GMPR: variants seen among roughly 807,000 people sequenced by gnomAD.
GMPR encodes the protein GMP reductase 1.
GMPR carries 31 observed loss-of-function variants against 38.4 expected under a neutral mutation model. That is an observed-to-expected ratio of 0.81 (90% CI 0.61 to 1.09). The LOEUF (loss-of-function observed/expected upper bound fraction) is 1.09, where lower values mean the gene tolerates loss of function less well. Among genes scored for constraint, GMPR ranks in the 50% least tolerant of loss-of-function variants. GMPR has a pLI of 0.00. For synonymous variants in GMPR, 162 were observed against 173.3 expected, an observed-to-expected ratio of 0.93 and a Z score of 0.51; for missense variants, 468 against 453.7, an observed-to-expected ratio of 1.03 and a Z score of -0.29.
At position 16,246,945 on chromosome 6, in the gene GMPR, C is replaced by A; in HGVS notation, c.191C>A (p.Ala64Glu). 8.1e-6 allele frequency: 13 copies of A among 1,613,928 alleles called. No homozygotes were observed. Among genetic ancestry groups the A allele is most frequent in the Non-Finnish European group, 1.0e-5 (12 of 1,179,890 alleles). ...NMDTVGTFEM[A>E]AVMSQHSMFT... is the part of the protein sequence containing the mutation. ...GACACTGTGGGCACGTTTGAGATGG[C>A]AGCCGTGATGTCACAGGTGAGGCGG... Residue 64 changes from alanine (A) to glutamate (E), a missense_variant, in exon 2 of 9, where the codon GCA (alanine) becomes GAA (glutamate). Physicochemically the swap from Ala to Glu is moderately radical, Grantham distance 107. Coordinates refer to ENST00000259727, the MANE Select transcript of GMPR (RefSeq NM_006877.4).
chr6:16,274,479 A>C lies in GMPR; in HGVS notation c.530A>C (p.Lys177Thr), dbSNP rs1244763154. Residue 177 changes from lysine to threonine, a missense_variant, in exon 5 of 9, where the codon AAA becomes ACA. Transcript: ENST00000259727. ...ELILSGADII[K>T]VGVGPGSVCT... ...ATTCTTTCCGGAGCAGATATCATCA[A>C]AGTGGGAGTTGGACCAGGTAAGACT... is the stretch of plus-strand genomic sequence containing the variant. 1 of 1,603,646 alleles carries C rather than the reference A, an allele frequency of 6.2e-7. No individual in the cohort carries two copies. The highest frequency in any genetic ancestry group is 1.3e-5 in the African/African-American group (1 of 74,746).
At chr6:16,274,138 GT>G (rs1281852364) in intron 4 of GMPR, among the ~76,000 whole-genome samples, 5 of 152,034 alleles carry the variant, frequency 3.3e-5, no homozygotes, top group Non-Finnish European at 7.4e-5. Context: ...TGTTGTTGTT[GT>G]TGATTGCTGA....
At chr6:16,294,159 A>G (rs2039957216) in intron 8 of GMPR, among the ~76,000 whole-genome samples, 1 of 152,178 alleles carries the variant, frequency 6.6e-6, no homozygotes, top group Non-Finnish European at 1.5e-5. Flanking sequence ...GAGTTTCTAA[A>G]TACTCCTCTG....
intron 6 of GMPR, among the ~76,000 whole-genome samples, chr6:16,279,852 G>A (rs1044544280): frequency 1.3e-5 from 2 of 152,186 alleles, no homozygotes; most frequent in Non-Finnish European, 2.9e-5. Context: ...GTAGGAGAGT[G>A]CCCAACTCAC....
chr6:16,282,778 A>G (rs1382415053), intron 6 of GMPR, among the ~76,000 whole-genome samples: 1 of 150,560 alleles, frequency 6.6e-6, no homozygotes, highest in Non-Finnish European at 1.5e-5. Context: ...TTTCATTGTC[A>G]GTATTCAACA....
At chr6:16,260,837 G>T (rs528258591) in intron 4 of GMPR, among the ~76,000 whole-genome samples, 7 of 152,092 alleles carry the variant, frequency 4.6e-5, no homozygotes, top group African/African-American at 1.7e-4. Context: ...ACAGTCATGG[G>T]GGTCAGGTGT....
chr6:16,240,691 T>C (rs1294881828), intron 1 of GMPR, among the ~76,000 whole-genome samples: 1 of 152,226 alleles, frequency 6.6e-6, no homozygotes, highest in Non-Finnish European at 1.5e-5. Flanking sequence ...TATCACATCA[T>C]GCGACAATGT....
chr6:16,247,002 A>G (rs369777917), intron 2 of GMPR, 41 bp downstream of exon 2: 3 of 1,599,336 alleles, frequency 1.9e-6, no homozygotes, highest in African/African-American at 1.3e-5. Context: ...TGCTGCTCAC[A>G]CTGTGGACAG....
At chr6:16,251,499 G>A (rs1196228094) in intron 3 of GMPR, among the ~76,000 whole-genome samples, 1 of 152,220 alleles carries the variant, frequency 6.6e-6, no homozygotes. Context: ...TAACCCCGGA[G>A]GCAGAGGTTG....
chr6:16,256,700 ATG>A (rs1270325650), intron 4 of GMPR, among the ~76,000 whole-genome samples: 9 of 152,186 alleles, frequency 5.9e-5, no homozygotes, highest in African/African-American at 2.2e-4. Flanking sequence ...AGAAATGTAT[ATG>A]TGTTTATTGG....
chr6:16,275,157 G>A (rs1002569235), intron 5 of GMPR, among the ~76,000 whole-genome samples: 3 of 152,164 alleles, frequency 2.0e-5, no homozygotes, highest in African/African-American at 7.2e-5. Context: ...CCTGCTTGAA[G>A]ATGAGCTGCC....
intron 4 of GMPR, among the ~76,000 whole-genome samples, chr6:16,261,181 T>A (rs1218328708): frequency 6.6e-6 from 1 of 151,978 alleles, no homozygotes; most frequent in Non-Finnish European, 1.5e-5. Context: ...CTGACTGCAC[T>A]AACCATGCCT....
intron 4 of GMPR, among the ~76,000 whole-genome samples, chr6:16,266,589 T>C (rs1405072803): frequency 6.6e-6 from 1 of 150,946 alleles, no homozygotes; most frequent in Non-Finnish European, 1.5e-5. Context: ...GATCACCAGG[T>C]CAGGAGATCA....
At chr6:16,246,169 G>A (rs577137314) in intron 1 of GMPR, among the ~76,000 whole-genome samples, 2 of 152,150 alleles carry the variant, frequency 1.3e-5, no homozygotes, top group Non-Finnish European at 2.9e-5. Flanking sequence ...CTTCTGTCAA[G>A]CCCACCCTTG....
In GMPR at chr6:16,251,775, C is replaced by A. The variant is rs545168388; in HGVS notation, c.291+1408C>A. On this transcript the variant is annotated intron_variant, in intron 3 of 8. Coordinates refer to ENST00000259727, the MANE Select transcript of GMPR (RefSeq NM_006877.4). ...AAAATCTATCATGATGGTTACAGAA[C>A]TCTAAATATACTAAAAATCATTGAA... is the stretch of plus-strand genomic sequence containing the variant. Among the ~76,000 whole-genome samples, 3 of 152,182 alleles carry A rather than the reference C, an allele frequency of 2.0e-5. No individual in the cohort carries two copies. In the South Asian group the frequency reaches 6.2e-4, roughly 32 times the overall value.
chr6:16,288,594 C>G (rs1175095895), intron 7 of GMPR, among the ~76,000 whole-genome samples: 1 of 151,962 alleles, frequency 6.6e-6, no homozygotes, highest in African/African-American at 2.4e-5. Context: ...CCGCCCCCTG[C>G]TCCAAGGCCC....
intron 1 of GMPR, among the ~76,000 whole-genome samples, chr6:16,243,318 T>G (rs1009066425): frequency 7.2e-5 from 11 of 152,320 alleles, no homozygotes; most frequent in Non-Finnish European, 1.5e-4. Context: ...TGGACCAGCC[T>G]CTGAAGCCCT....
At chr6:16,292,383 C>T (rs994365181) in intron 8 of GMPR, among the ~76,000 whole-genome samples, 2 of 151,976 alleles carry the variant, frequency 1.3e-5, no homozygotes, top group South Asian at 2.1e-4. Flanking sequence ...TCATTCTCCT[C>T]AAGTCTCTTT....
In GMPR at chr6:16,290,451, T is replaced by C. The variant is rs371364471; in HGVS notation, c.698-11T>C. On this transcript the variant is annotated splice_polypyrimidine_tract_variant and intron_variant, in intron 7 of 8. Coordinates refer to ENST00000259727, the MANE Select transcript of GMPR (RefSeq NM_006877.4). ...CTGCTACTCGCTTTCATCCCCACCG[T>C]TGGCATTTAGGAGCTGGAGCAGATT... The C allele has an allele frequency of 5.6e-6, 9 of 1,612,970 alleles. No individual in the cohort carries two copies. The African/African-American group carries it at 8.0e-5, about 14-fold the overall frequency.
Sources: gnomAD v4.1 joint callset for allele counts (sites outside exome capture counted in the v4.1 genomes callset) on GRCh38, gnomAD v4.1.1 for gene constraint, MANE v1.5 for transcripts, NCBI Gene and HGNC (gene_info 2026-07-23, HGNC 2026-07-21) for gene names.